CCNJL: variants seen among roughly 807,000 people sequenced by gnomAD.
CCNJL encodes cyclin J like.
Under a neutral mutation model 33.4 loss-of-function variants are expected in CCNJL, and 33 were observed. The observed-to-expected ratio is 0.99, with a 90% confidence interval of 0.75 to 1.32. The LOEUF (loss-of-function observed/expected upper bound fraction) is 1.32. Among genes scored for constraint, CCNJL ranks in the 40% most tolerant of loss-of-function variants. The pLI is 0.00. For synonymous variants in CCNJL, 227 were observed against 220.9 expected, an observed-to-expected ratio of 1.03 and a Z score of -0.24; for missense variants, 512 against 499.7, an observed-to-expected ratio of 1.02 and a Z score of -0.23.
At chr5:160,331,184 C>T (rs1339865834) in intron 1 of CCNJL, among the ~76,000 whole-genome samples, 6 of 151,864 alleles carry the variant, frequency 4.0e-5, no homozygotes, top group Non-Finnish European at 8.8e-5. Flanking sequence ...CCCCAGTTAT[C>T]CTTGAAGCCC....
Position 160,251,409 on chromosome 5 carries a change from A to G in CCNJL, c.*1969T>C, listed in dbSNP as rs994742733. The G allele has an allele frequency of 6.6e-6, 1 of 152,242 alleles. No homozygotes were observed. The highest frequency in any genetic ancestry group is 1.9e-4 in the East Asian group (1 of 5,178). The allele number at this position is 152,242 out of a possible 1,614,324, so 9.4% of individuals were successfully genotyped here. On this transcript the variant is annotated 3_prime_UTR_variant, in exon 6 of 6. Coordinates refer to ENST00000257536, the MANE Select transcript of CCNJL (RefSeq NM_001308173.3). ...ATAAATCTCTCTCCATATATATCCTACTGGTTTCTTTGGAAAAACCCTGAG... is the reference window on the plus strand; with the variant it reads ...ATAAATCTCTCTCCATATATATCCTGCTGGTTTCTTTGGAAAAACCCTGAG...
At chr5:160,312,020 C>A in intron 1 of CCNJL, 48 bp from the exon 2 acceptor site, 1 of 1,230,792 alleles carries the variant, frequency 8.1e-7, no homozygotes, top group Non-Finnish European at 1.2e-6. Context: ...CCCCGGGCTC[C>A]GACCCCCGGT....
At position 160,282,845 on chromosome 5, in the gene CCNJL, G is replaced by C. The variant is rs1055515369; in HGVS notation, c.67-2107C>G. Among the ~76,000 whole-genome samples, 6 of 150,820 alleles carry C rather than the reference G, an allele frequency of 4.0e-5. No individual in the cohort carries two copies. In the Admixed American group the frequency reaches 4.0e-4, roughly 10 times the overall value. On this transcript the variant is annotated intron_variant, in intron 2 of 5. Transcript: ENST00000257536. ...ACAAGTGCTGGATAGGGGCAAACTG[G>C]AACCCTCATATACTGCTGGTGGGTA...
At chr5:160,295,113 A>G (rs1297225581) in intron 2 of CCNJL, 2 of 152,308 alleles carry the variant, frequency 1.3e-5, no homozygotes, top group Non-Finnish European at 2.9e-5. Flanking sequence ...GACCTATTTA[A>G]AAAGGGGGTT....
At chr5:160,264,736 C>T (rs1761501322) in intron 3 of CCNJL, among the ~76,000 whole-genome samples, 1 of 152,122 alleles carries the variant, frequency 6.6e-6, no homozygotes, top group African/African-American at 2.4e-5. Flanking sequence ...TCCCCCCTCT[C>T]CCGAGTCCTT....
Position 160,280,382 on chromosome 5 carries a change from T to C in CCNJL, c.280+143A>G, listed in dbSNP as rs146787814. 6.7e-4 allele frequency: 458 copies of C among 679,326 alleles called. 6 individuals are homozygous for C. In the East Asian group the frequency reaches 0.011, roughly 16 times the overall value. The allele number at this position is 679,326 out of a possible 1,614,324, so 42.1% of individuals were successfully genotyped here. ...CTAAAAAATGTTGCATCTAAAAATG[T>C]TGATGCTAAAAAACGCTCAGTGAAG... On this transcript the variant is annotated intron_variant, in intron 3 of 5. Coordinates refer to ENST00000257536, the MANE Select transcript of CCNJL (RefSeq NM_001308173.3).
At chr5:160,307,887 A>C (rs1189066662) in intron 2 of CCNJL, among the ~76,000 whole-genome samples, 3 of 152,160 alleles carry the variant, frequency 2.0e-5, no homozygotes, top group African/African-American at 7.2e-5. Context: ...TCTCCAGAGC[A>C]ATTTGGGCTG....
At chr5:160,321,018 CTTTCTT>C (rs1561812763) in intron 1 of CCNJL, among the ~76,000 whole-genome samples, 182 of 19,650 alleles carry the variant, frequency 9.3e-3, no homozygotes, top group East Asian at 0.018. Context: ...CTCTCTCTTT[CTTTCTT>C]TCTTTCTTTC....
At chr5:160,278,206 G>T (rs1027145615) in intron 3 of CCNJL, among the ~76,000 whole-genome samples, 1 of 152,080 alleles carries the variant, frequency 6.6e-6, no homozygotes, top group Non-Finnish European at 1.5e-5. Context: ...CATCATGTTG[G>T]CTGGGCTGAT....
intron 3 of CCNJL, among the ~76,000 whole-genome samples, chr5:160,271,912 A>C (rs1761847718): frequency 1.3e-5 from 2 of 152,238 alleles, no homozygotes; most frequent in African/African-American, 4.8e-5. Flanking sequence ...GGAGCTATTA[A>C]ATTATCTCCT....
At chr5:160,280,443 G>T in intron 3 of CCNJL, 82 bp downstream of exon 3, 1 of 1,117,132 alleles carries the variant, frequency 9.0e-7, no homozygotes, top group Non-Finnish European at 1.3e-6. Flanking sequence ...TCGTCAAAAT[G>T]TAAAGTGATT....
At chr5:160,299,219 G>A (rs1419530581) in intron 2 of CCNJL, among the ~76,000 whole-genome samples, 2 of 151,844 alleles carry the variant, frequency 1.3e-5, no homozygotes, top group South Asian at 2.1e-4. Flanking sequence ...GCGTGACCTC[G>A]GCTCACTGCA....
intron 1 of CCNJL, among the ~76,000 whole-genome samples, chr5:160,336,440 GA>G (rs1197595119): frequency 6.6e-6 from 1 of 152,204 alleles, no homozygotes; most frequent in Non-Finnish European, 1.5e-5. Context: ...GCAAGTCAAG[GA>G]ATGCTGATGG....
At chr5:160,271,350 G>A (rs570902044) in intron 3 of CCNJL, among the ~76,000 whole-genome samples, 71 of 152,036 alleles carry the variant, frequency 4.7e-4, no homozygotes, top group African/African-American at 1.3e-3. Flanking sequence ...CCCCACTCCC[G>A]GAAAACAAAA....
intron 1 of CCNJL, among the ~76,000 whole-genome samples, chr5:160,329,596 A>T (rs1763582411): frequency 6.6e-6 from 1 of 151,852 alleles, no homozygotes; most frequent in African/African-American, 2.4e-5. Flanking sequence ...TGACCCACCC[A>T]CCTTGGCCTC....
chr5:160,280,392 A>C, intron 3 of CCNJL, 133 bp downstream of exon 3: 1 of 727,066 alleles, frequency 1.4e-6, no homozygotes, highest in Non-Finnish European at 2.3e-6. Context: ...TTGATGCTAA[A>C]AAACGCTCAG....
chr5:160,315,953 T>TC (rs1196808711), upstream of CCNJL, among the ~76,000 whole-genome samples: 3 of 152,140 alleles, frequency 2.0e-5, no homozygotes, highest in African/African-American at 4.8e-5. Context: ...TTCCTAAACT[T>TC]CAGCTATCAA....
intron 1 of CCNJL, among the ~76,000 whole-genome samples, chr5:160,321,805 G>A: frequency 6.6e-6 from 1 of 152,014 alleles, no homozygotes; most frequent in Admixed American, 6.6e-5. Flanking sequence ...TGGGTGTGGA[G>A]CCGAGACGGT....
At chr5:160,318,174 G>A (rs1763400588) in intron 1 of CCNJL, among the ~76,000 whole-genome samples, 1 of 152,040 alleles carries the variant, frequency 6.6e-6, no homozygotes, top group African/African-American at 2.4e-5. Context: ...GCACCACCAT[G>A]CCTGGCTAAT....
Sources: gnomAD v4.1 joint callset for allele counts (sites outside exome capture counted in the v4.1 genomes callset) on GRCh38, gnomAD v4.1.1 for gene constraint, MANE v1.5 for transcripts, NCBI Gene and HGNC (gene_info 2026-07-23, HGNC 2026-07-21) for gene names.